The following RERG variants were observed in gnomAD, a reference collection of about 807,000 sequenced individuals.
RERG encodes ras-related and estrogen-regulated growth inhibitor.
A neutral mutation model predicts 23.2 loss-of-function variants in RERG; 25 were observed. The observed-to-expected ratio is 1.08, with a 90% CI of 0.79 to 1.50. The LOEUF is 1.50. Among genes scored for constraint, RERG ranks in the 40% most tolerant of loss-of-function variants. The probability of loss-of-function intolerance (pLI) is 0.00; values close to 1 mark genes in which losing one functional copy is unlikely to be tolerated. For synonymous variants in RERG, 81 were observed against 89.1 expected (o/e 0.91, Z 0.51); for missense variants, 253 against 250.1 (o/e 1.01, Z -0.08).
chr12:15,199,415 CTGTATGTCATTTCAA>C (rs1386652890), intron 2 of RERG, among the ~76,000 whole-genome samples: 1 of 151,984 alleles, frequency 6.6e-6, no homozygotes, highest in Non-Finnish European at 1.5e-5. Flanking sequence ...CATATGTCTA[CTGTATGTCATTTCAA>C]TCTTCGTATT....
rs545851197 is a variant in RERG at position 15,183,648 on chromosome 12, G to T, written c.61+33781C>A. On this transcript the variant is annotated intron_variant, in intron 2 of 4. Transcript: ENST00000256953. ...GTTATTTTACTATCTGTCATTCTGA[G>T]ATATTAGAAAGCTATTAGGATATTT... Among the ~76,000 whole-genome samples the T allele has an allele frequency of 2.2e-4, 34 of 152,158 alleles. No individual in the cohort carries two copies. In the South Asian group the frequency reaches 6.8e-3, roughly 31 times the overall value.
At chr12:15,124,574 A>T (rs1460176530) in intron 2 of RERG, among the ~76,000 whole-genome samples, 3 of 151,920 alleles carry the variant, frequency 2.0e-5, no homozygotes, top group Non-Finnish European at 4.4e-5. Flanking sequence ...ATATAATGCA[A>T]TTTTTTTCTA....
At chr12:15,166,537 GGTGGTA>G in intron 2 of RERG, among the ~76,000 whole-genome samples, 1 of 151,384 alleles carries the variant, frequency 6.6e-6, no homozygotes, top group Non-Finnish European at 1.5e-5. Flanking sequence ...TGGTGGTGGT[GGTGGTA>G]GTGGTGTTGG....
At chr12:15,214,035 TGTGCGC>T (rs58232544) in intron 2 of RERG, among the ~76,000 whole-genome samples, 13,132 of 91,700 alleles carry the variant, frequency 0.14, 707 homozygotes, top group Non-Finnish European at 0.18. Context: ...TGTGTGTGTG[TGTGCGC>T]GTGTGTGGAG....
Position 15,173,138 on chromosome 12 carries a change from G to A in RERG, c.61+44291C>T, listed in dbSNP as rs555130603. Among the ~76,000 whole-genome samples the A allele has an allele frequency of 4.6e-5, 7 of 152,018 alleles. No homozygotes were observed. In the South Asian group the frequency reaches 1.5e-3, roughly 32 times the overall value. On this transcript the variant is annotated intron_variant, in intron 2 of 4. Coordinates refer to ENST00000256953, the MANE Select transcript of RERG (RefSeq NM_032918.3). ...TATTTTTAGGTCTATAATCCATTTT[G>A]AGTTAAATTTTGCAGATAGTGTGAG...
chr12:15,213,119 TAGCCCTTTCA>T (rs1865391665), intron 2 of RERG, among the ~76,000 whole-genome samples: 1 of 152,350 alleles, frequency 6.6e-6, no homozygotes, highest in East Asian at 1.9e-4. Context: ...ACTTTAAGAC[TAGCCCTTTCA>T]AGCAATATAG....
chr12:15,137,298 T>C (rs1400649505), intron 2 of RERG, among the ~76,000 whole-genome samples: 2 of 151,768 alleles, frequency 1.3e-5, no homozygotes, highest in East Asian at 3.8e-4. Flanking sequence ...TGTCTTTATA[T>C]TTAAAATATA....
intron 2 of RERG, among the ~76,000 whole-genome samples, chr12:15,169,531 C>G (rs1864747308): frequency 6.6e-6 from 1 of 152,194 alleles, no homozygotes; most frequent in Non-Finnish European, 1.5e-5. Flanking sequence ...CTGGAATCTA[C>G]ACCATCTGTG....
intron 2 of RERG, among the ~76,000 whole-genome samples, chr12:15,145,344 G>T (rs1864313728): frequency 6.6e-6 from 1 of 152,256 alleles, no homozygotes; most frequent in Non-Finnish European, 1.5e-5. Context: ...TCCCTGGTTA[G>T]CTGTGAAGAA....
intron 2 of RERG, among the ~76,000 whole-genome samples, chr12:15,169,406 G>A (rs1171631456): frequency 6.6e-6 from 1 of 152,162 alleles, no homozygotes; most frequent in African/African-American, 2.4e-5. Context: ...TTGAGGCCCG[G>A]ACCAGAAGCC....
intron 2 of RERG, chr12:15,151,867 C>T (rs1864448810): frequency 6.6e-6 from 1 of 152,150 alleles, no homozygotes; most frequent in Non-Finnish European, 1.5e-5. Context: ...GCATGCTACC[C>T]TTACTGTTAT....
At chr12:15,166,222 CT>C (rs1864685231) in intron 2 of RERG, among the ~76,000 whole-genome samples, 2 of 152,254 alleles carry the variant, frequency 1.3e-5, no homozygotes, top group South Asian at 4.1e-4. Context: ...GCAAGGAGGC[CT>C]AGAGAGTAAG....
intron 2 of RERG, among the ~76,000 whole-genome samples, chr12:15,137,377 T>C (rs184841546): frequency 6.3e-4 from 96 of 151,980 alleles, no homozygotes; most frequent in African/African-American, 2.3e-3. Context: ...TTAAAATGAT[T>C]ACTGATATAT....
At chr12:15,146,015 T>G (rs1051099316) in intron 2 of RERG, among the ~76,000 whole-genome samples, 3 of 152,174 alleles carry the variant, frequency 2.0e-5, no homozygotes, top group Non-Finnish European at 2.9e-5. Flanking sequence ...AAATGTGTGG[T>G]ACAGGGAAAA....
intron 2 of RERG, among the ~76,000 whole-genome samples, chr12:15,129,510 A>C (rs910552734): frequency 2.0e-5 from 3 of 152,268 alleles, no homozygotes; most frequent in Non-Finnish European, 4.4e-5. Flanking sequence ...ATATTTATTG[A>C]CCACTGTGCA....
chr12:15,205,721 G>A (rs1323196604), intron 2 of RERG, among the ~76,000 whole-genome samples: 1 of 151,862 alleles, frequency 6.6e-6, no homozygotes. Flanking sequence ...ACTGTCCAAT[G>A]GCACAAAACA....
intron 2 of RERG, among the ~76,000 whole-genome samples, chr12:15,147,282 C>T (rs1332424797): frequency 6.6e-6 from 1 of 152,158 alleles, no homozygotes; most frequent in Non-Finnish European, 1.5e-5. Flanking sequence ...TGATTAAAAT[C>T]CAGGTTTGCA....
chr12:15,148,980 T>C (rs1209068766), intron 2 of RERG, among the ~76,000 whole-genome samples: 1 of 146,166 alleles, frequency 6.8e-6, no homozygotes, highest in Non-Finnish European at 1.5e-5. Context: ...GCCATTCTCC[T>C]GCCTCAGCCT....
chr12:15,136,830 A>G (rs1293184881), intron 2 of RERG, among the ~76,000 whole-genome samples: 2 of 152,014 alleles, frequency 1.3e-5, no homozygotes, highest in East Asian at 3.8e-4. Context: ...GGTCTATCTT[A>G]TGAATGTTCT....
Sources: allele counts gnomAD v4.1 joint callset (sites outside exome capture counted in the v4.1 genomes callset), GRCh38; gene constraint gnomAD v4.1.1; transcripts MANE v1.5; gene names NCBI Gene and HGNC (gene_info 2026-07-23, HGNC 2026-07-21).